RIMS1: variants seen among roughly 807,000 people sequenced by gnomAD.
RIMS1 encodes regulating synaptic membrane exocytosis protein 1.
In RIMS1, 83 loss-of-function variants were observed where a neutral mutation model predicts 214.1. That is an observed-to-expected ratio of 0.39 (90% CI 0.32 to 0.47). RIMS1 has a LOEUF of 0.47. Ranked by LOEUF, RIMS1 falls within the 20% of genes least tolerant of loss-of-function variation. The pLI is 0.99. For synonymous variants in RIMS1, 793 were observed against 786.8 expected (o/e 1.01, Z -0.13); for missense variants, 2,050 against 2,161.8 (o/e 0.95, Z 1.03).
At chr6:72,038,198 A>G (rs1008319329) in intron 2 of RIMS1, among the ~76,000 whole-genome samples, 5 of 139,822 alleles carry the variant, frequency 3.6e-5, no homozygotes, top group Non-Finnish European at 7.6e-5. Flanking sequence ...CAAGGACACT[A>G]TGGAAGTCTT....
rs551405766 is a variant in RIMS1 at position 71,937,146 on chromosome 6, G to A, written c.165-31837G>A. ...CACTTTTCAGAGTCAAACTAATGGG[G>A]AACAGTGTCTTAGTCCATTTTCTGC... On this transcript the variant is annotated intron_variant, in intron 1 of 33. Coordinates refer to ENST00000521978, the MANE Select transcript of RIMS1 (RefSeq NM_014989.7). 2.6e-5 allele frequency among the ~76,000 whole-genome samples: 4 copies of A among 152,304 alleles called. No homozygotes were observed. The East Asian group carries it at 7.7e-4, about 29-fold the overall frequency.
At chr6:72,373,911 T>A (rs969917543) in intron 29 of RIMS1, among the ~76,000 whole-genome samples, 1 of 152,120 alleles carries the variant, frequency 6.6e-6, no homozygotes, top group African/African-American at 2.4e-5. Context: ...ATTTTATTAT[T>A]TATTTTTTAT....
intron 23 of RIMS1, among the ~76,000 whole-genome samples, chr6:72,283,028 G>C (rs1195398199): frequency 1.3e-5 from 2 of 151,852 alleles, no homozygotes; most frequent in African/African-American, 2.4e-5. Flanking sequence ...TGTGTTCCTA[G>C]TGCCTAGCAG....
intron 29 of RIMS1, among the ~76,000 whole-genome samples, chr6:72,349,983 G>A (rs1263950746): frequency 6.6e-6 from 1 of 151,988 alleles, no homozygotes; most frequent in Non-Finnish European, 1.5e-5. Context: ...AGATTGTTGT[G>A]AATAGCAAGG....
intron 6 of RIMS1, among the ~76,000 whole-genome samples, chr6:72,186,528 C>T (rs542286274): frequency 1.3e-5 from 2 of 152,088 alleles, no homozygotes; most frequent in Non-Finnish European, 2.9e-5. Context: ...TTTGAAGATT[C>T]TCCTCATTTT....
At chr6:72,373,790 A>G (rs2098291268) in intron 29 of RIMS1, among the ~76,000 whole-genome samples, 1 of 152,176 alleles carries the variant, frequency 6.6e-6, no homozygotes, top group South Asian at 2.1e-4. Flanking sequence ...GGTAAACCTT[A>G]ATCCACCAGA....
intron 5 of RIMS1, among the ~76,000 whole-genome samples, chr6:72,180,715 G>A (rs1001839186): frequency 3.3e-5 from 5 of 152,136 alleles, no homozygotes; most frequent in Non-Finnish European, 7.3e-5. Context: ...ATGATTTTGG[G>A]GCCAGGACTT....
At chr6:72,326,084 C>A (rs1179375548) in intron 28 of RIMS1, among the ~76,000 whole-genome samples, 1 of 151,780 alleles carries the variant, frequency 6.6e-6, no homozygotes, top group Admixed American at 6.6e-5. Flanking sequence ...TTGTAAACAT[C>A]ATTGTGAACT....
chr6:72,183,957 A>G (rs2048738906), intron 6 of RIMS1, among the ~76,000 whole-genome samples: 1 of 152,222 alleles, frequency 6.6e-6, no homozygotes, highest in South Asian at 2.1e-4. Context: ...GTAAATATGT[A>G]AACATGCGGT....
At chr6:72,248,952 A>G (rs527572083) in intron 12 of RIMS1, among the ~76,000 whole-genome samples, 1 of 152,218 alleles carries the variant, frequency 6.6e-6, no homozygotes, top group African/African-American at 2.4e-5. Flanking sequence ...TCTTCAGTGT[A>G]TGTGTAAATC....
chr6:71,970,266 T>C (rs894780750), intron 2 of RIMS1, among the ~76,000 whole-genome samples: 2 of 152,244 alleles, frequency 1.3e-5, no homozygotes, highest in African/African-American at 4.8e-5. Context: ...GTTGTCATTT[T>C]TCTTTTGCCT....
chr6:72,209,824 C>G (rs895382416), intron 6 of RIMS1, among the ~76,000 whole-genome samples: 31 of 150,552 alleles, frequency 2.1e-4, no homozygotes, highest in Admixed American at 6.0e-4. Context: ...TGGCATGAAC[C>G]CGGGAGGCGG....
chr6:71,954,733 G>A (rs753662733), intron 1 of RIMS1, among the ~76,000 whole-genome samples: 3 of 148,496 alleles, frequency 2.0e-5, no homozygotes, highest in Non-Finnish European at 3.0e-5. Context: ...TATAACTTAC[G>A]TAAAGTAAAA....
Position 72,258,972 on chromosome 6 carries a change from T to C in RIMS1, c.2928-14T>C. 6.2e-7 allele frequency: 1 copy of C among 1,612,124 alleles called. No homozygotes were observed. Among genetic ancestry groups the C allele is most frequent in the Non-Finnish European group, 8.5e-7 (1 of 1,178,520 alleles). The stretch of plus-strand genomic sequence containing the variant: ...GATACAATTTGACACATAAGAATTT[T>C]GTAATCATTTTAGGAGTTTAGATGA... On this transcript the variant is annotated splice_polypyrimidine_tract_variant and intron_variant, in intron 17 of 33. Transcript: ENST00000521978.
At chr6:71,954,313 G>A (rs574886791) in intron 1 of RIMS1, among the ~76,000 whole-genome samples, 2 of 152,240 alleles carry the variant, frequency 1.3e-5, no homozygotes, top group East Asian at 3.9e-4. Context: ...AATACTGAAT[G>A]CAAATTTACC....
At chr6:72,087,850 C>T (rs1609314) in intron 2 of RIMS1, among the ~76,000 whole-genome samples, 51,145 of 152,086 alleles carry the variant, frequency 0.34, 10,094 homozygotes, top group South Asian at 0.47. Flanking sequence ...TGCAGCTGAT[C>T]TGGGTGCAAT....
In RIMS1 at chr6:72,365,303, CA is replaced by C. The variant is rs61065822; in HGVS notation, c.4367-25294del. Among the ~76,000 whole-genome samples, 774 of 152,338 alleles carry C rather than the reference CA, an allele frequency of 5.1e-3. 5 individuals carry two copies. Among genetic ancestry groups the C allele is most frequent in the African/African-American group, 0.017 (713 of 41,584 alleles). On this transcript the variant is annotated intron_variant, in intron 29 of 33. Transcript: ENST00000521978. ...ACACTGTTTATATTCCACCTTTATT[CA>C]GGGCACCCAACCATGGCATTCCACA...
intron 1 of RIMS1, among the ~76,000 whole-genome samples, chr6:71,920,587 T>C (rs1478543089): frequency 6.6e-6 from 1 of 152,178 alleles, no homozygotes; most frequent in African/African-American, 2.4e-5. Context: ...AATTAGTGGG[T>C]ACTCTGTTTA....
chr6:72,179,407 A>G (rs2048151208), intron 4 of RIMS1, 168 bp from the exon 5 acceptor site: 8 of 686,638 alleles, frequency 1.2e-5, no homozygotes, highest in South Asian at 1.1e-4. Flanking sequence ...CTGTCTAGGC[A>G]TTCATATATT....
Sources: allele counts gnomAD v4.1 joint callset (sites outside exome capture counted in the v4.1 genomes callset), GRCh38; gene constraint gnomAD v4.1.1; transcripts MANE v1.5; gene names NCBI Gene and HGNC (gene_info 2026-07-23, HGNC 2026-07-21).